Variants in DIS3L2 observed in about 807,000 individuals in gnomAD.
DIS3L2 encodes DIS3 like 3'-5' exoribonuclease 2.
A neutral mutation model predicts 97.5 loss-of-function variants in DIS3L2; 34 were observed. That is an observed-to-expected ratio of 0.35 (90% CI 0.27 to 0.46). The LOEUF is 0.46. Among genes scored for constraint, DIS3L2 ranks in the 20% least tolerant of loss-of-function variants. The probability of loss-of-function intolerance (pLI) is 1.00; values close to 1 mark genes in which losing one functional copy is unlikely to be tolerated. For synonymous variants in DIS3L2, 435 were observed against 445.2 expected, an observed-to-expected ratio of 0.98 and a Z score of 0.29; for missense variants, 1,038 against 1,146.0, an observed-to-expected ratio of 0.91 and a Z score of 1.36.
chr2:232,107,095 C>G (rs1697377764), intron 6 of DIS3L2, among the ~76,000 whole-genome samples: 1 of 152,106 alleles, frequency 6.6e-6, no homozygotes, highest in Non-Finnish European at 1.5e-5. Flanking sequence ...CTCTGGGATG[C>G]AACTAACGCA....
intron 9 of DIS3L2, among the ~76,000 whole-genome samples, chr2:232,169,098 G>A (rs1690906935): frequency 6.6e-6 from 1 of 152,128 alleles, no homozygotes; most frequent in Non-Finnish European, 1.5e-5. Flanking sequence ...CTTGGTGCAA[G>A]TGTTTGTGAT....
chr2:232,275,339 C>A (rs750608689), intron 13 of DIS3L2, among the ~76,000 whole-genome samples: 2 of 152,194 alleles, frequency 1.3e-5, no homozygotes, highest in Non-Finnish European at 1.5e-5. Context: ...CTGTTGCTTC[C>A]TTCAGATTTG....
chr2:232,167,058 CATT>C (rs1690845564), intron 9 of DIS3L2, among the ~76,000 whole-genome samples: 1 of 151,890 alleles, frequency 6.6e-6, no homozygotes, highest in Admixed American at 6.6e-5. Context: ...TATCCTTGCC[CATT>C]ATCCTCAGGA....
At chr2:232,053,729 A>G (rs1559577978) in intron 5 of DIS3L2, among the ~76,000 whole-genome samples, 1 of 152,250 alleles carries the variant, frequency 6.6e-6, no homozygotes, top group Non-Finnish European at 1.5e-5. Flanking sequence ...GAAGAGGTAC[A>G]TAGTGCCTCT....
Position 232,329,796 on chromosome 2 carries a change from CCA to C in DIS3L2, c.1740-15_1740-14del. 2.3e-6 allele frequency: 1 copy of C among 425,688 alleles called. No homozygotes were observed. Among genetic ancestry groups the C allele is most frequent in the African/African-American group, 2.1e-5 (1 of 46,546 alleles). 26.4% of individuals were successfully genotyped at this position (425,688 alleles called of 1,614,324 possible). On this transcript the variant is annotated splice_polypyrimidine_tract_variant and intron_variant, in intron 14 of 20. Coordinates refer to ENST00000325385, the MANE Select transcript of DIS3L2 (RefSeq NM_152383.5). ...CCAAACCCCAGCGGTCCCTCCCATC[CCA>C]CCCACCCTCTGCAGGCTCGTGGAGG...
intron 14 of DIS3L2, among the ~76,000 whole-genome samples, chr2:232,303,590 C>G (rs1694916258): frequency 6.6e-6 from 1 of 152,208 alleles, no homozygotes. Context: ...TTCAATCCAT[C>G]AGCAGAAAAA....
At chr2:232,329,787 C>CCGGGGCCA in intron 14 of DIS3L2, 26 bp from the exon 15 acceptor site, 3 of 1,062,208 alleles carry the variant, frequency 2.8e-6, no homozygotes, top group Non-Finnish European at 3.9e-6. Flanking sequence ...CCCAGCGGTC[C>CCGGGGCCA]CTCCCATCCC....
intron 16 of DIS3L2, 95 bp downstream of exon 16, chr2:232,330,871 C>T: frequency 7.9e-7 from 1 of 1,263,614 alleles, no homozygotes; most frequent in South Asian, 1.2e-5. Flanking sequence ...CCCACCGTTC[C>T]TGCCTGCTCT....
chr2:232,082,374 C>A (rs1309316623), intron 5 of DIS3L2, among the ~76,000 whole-genome samples: 1 of 152,162 alleles, frequency 6.6e-6, no homozygotes, highest in African/African-American at 2.4e-5. Flanking sequence ...AGGAACTGGA[C>A]CACACAGCAG....
chr2:232,217,835 G>A (rs1458312687), intron 10 of DIS3L2, among the ~76,000 whole-genome samples: 1 of 152,176 alleles, frequency 6.6e-6, no homozygotes, highest in African/African-American at 2.4e-5. Flanking sequence ...GTCCTATTGG[G>A]CCTTTTATGG....
intron 5 of DIS3L2, among the ~76,000 whole-genome samples, chr2:232,045,068 G>C (rs914635417): frequency 2.0e-5 from 3 of 152,112 alleles, no homozygotes; most frequent in Non-Finnish European, 4.4e-5. Flanking sequence ...AAAAATCCTG[G>C]GTGTCATGGG....
At chr2:232,215,887 G>C (rs1428264036) in intron 10 of DIS3L2, among the ~76,000 whole-genome samples, 2 of 152,150 alleles carry the variant, frequency 1.3e-5, no homozygotes, top group African/African-American at 4.8e-5. Flanking sequence ...TGAGTGAAAA[G>C]GTTCGTGCAT....
intron 3 of DIS3L2, chr2:232,015,975 C>A: frequency 4.6e-6 from 1 of 216,662 alleles, no homozygotes; most frequent in South Asian, 1.2e-4. Flanking sequence ...ATGTTTGAGC[C>A]AGGCCATGGA....
At chr2:232,231,519 G>A (rs1232888240) in intron 10 of DIS3L2, among the ~76,000 whole-genome samples, 1 of 152,208 alleles carries the variant, frequency 6.6e-6, no homozygotes, top group Non-Finnish European at 1.5e-5. Context: ...AAACTCTAGG[G>A]AGACATATTT....
At chr2:232,169,404 C>T (rs921720024) in intron 9 of DIS3L2, among the ~76,000 whole-genome samples, 1 of 151,700 alleles carries the variant, frequency 6.6e-6, no homozygotes, top group African/African-American at 2.4e-5. Flanking sequence ...GCAAAGACAA[C>T]CAAGGGCCAG....
intron 1 of DIS3L2, among the ~76,000 whole-genome samples, chr2:231,997,885 A>G (rs901556440): frequency 6.6e-6 from 1 of 152,196 alleles, no homozygotes; most frequent in Admixed American, 6.5e-5. Flanking sequence ...ATTAACATTG[A>G]TATACCATTA....
chr2:232,328,467 G>A (rs1401609889), intron 14 of DIS3L2: 1 of 152,176 alleles, frequency 6.6e-6, no homozygotes, highest in Non-Finnish European at 1.5e-5. Flanking sequence ...CCCACCCTGG[G>A]TGGAGGAGGG....
chr2:232,198,242 A>G (rs922013572), intron 9 of DIS3L2, among the ~76,000 whole-genome samples: 3 of 151,994 alleles, frequency 2.0e-5, no homozygotes, highest in Non-Finnish European at 2.9e-5. Context: ...GGAAATAGAG[A>G]AAAAAAAGTG....
At chr2:232,285,818 C>A (rs1390664055) in intron 13 of DIS3L2, among the ~76,000 whole-genome samples, 1 of 152,192 alleles carries the variant, frequency 6.6e-6, no homozygotes, top group Non-Finnish European at 1.5e-5. Context: ...GTGATTCCTA[C>A]TGCTTATCAC....
Sources: allele counts gnomAD v4.1 joint callset (sites outside exome capture counted in the v4.1 genomes callset), GRCh38; gene constraint gnomAD v4.1.1; transcripts MANE v1.5; gene names NCBI Gene and HGNC (gene_info 2026-07-23, HGNC 2026-07-21).